The following ICA1L variants were observed in gnomAD, a reference collection of about 807,000 sequenced individuals.
ICA1L encodes islet cell autoantigen 1-like protein.
Under a neutral mutation model 61.3 loss-of-function variants are expected in ICA1L, and 50 were observed. The observed-to-expected ratio is 0.82, with a 90% CI of 0.65 to 1.03. The LOEUF (loss-of-function observed/expected upper bound fraction) is 1.03. Among genes scored for constraint, ICA1L ranks in the 50% least tolerant of loss-of-function variants. The probability of loss-of-function intolerance (pLI) is 0.00; values close to 1 mark genes in which losing one functional copy is unlikely to be tolerated. For missense variants in ICA1L, 508 were observed against 556.7 expected (o/e 0.91, Z 0.88); for synonymous variants, 161 against 191.3 (o/e 0.84, Z 1.31).
At chr2:202,841,828 C>A in intron 1 of ICA1L, 1 of 308,600 alleles carries the variant, frequency 3.2e-6, no homozygotes, top group South Asian at 3.2e-5. Flanking sequence ...GATGGAGATC[C>A]CAGAAGGAGC....
chr2:202,807,934 TA>T (rs1485914411), intron 9 of ICA1L, among the ~76,000 whole-genome samples: 7 of 152,054 alleles, frequency 4.6e-5, no homozygotes, highest in Non-Finnish European at 8.8e-5. Flanking sequence ...ATCTGATGAC[TA>T]AGAGACCCTG....
In ICA1L at chr2:202,774,322, C is replaced by T. The variant is rs1351906181; in HGVS notation, c.*5211G>A. ...CCGCGGACGGCGGCGCGCGCGTTCCCCGCAGCGCTGAGGCGAGCCTGCCGC... is the reference window on the plus strand; with the variant it reads ...CCGCGGACGGCGGCGCGCGCGTTCCTCGCAGCGCTGAGGCGAGCCTGCCGC... On this transcript the variant is annotated 3_prime_UTR_variant, in exon 13 of 13. Transcript: ENST00000358299. The T allele has an allele frequency of 1.4e-6, 2 of 1,467,240 alleles. No individual in the cohort carries two copies. The highest frequency in any genetic ancestry group is 2.6e-5 in the East Asian group (1 of 38,270). The allele number at this position is 1,467,240 out of a possible 1,614,324, so 90.9% of individuals were successfully genotyped here.
In ICA1L at chr2:202,774,291, G is replaced by C. The variant is rs1483454485; in HGVS notation, c.*5242C>G. On this transcript the variant is annotated 3_prime_UTR_variant, in exon 13 of 13. Transcript: ENST00000358299. ...GACCCCGACGCGTGCAGGCACCTAC[G>C]GGCGACCGCGGACGGCGGCGCGCGC... 6.5e-7 allele frequency: 1 copy of C among 1,527,662 alleles called. No homozygotes were observed. The highest frequency in any genetic ancestry group is 8.8e-7 in the Non-Finnish European group (1 of 1,140,556). 94.6% of individuals were successfully genotyped at this position (1,527,662 alleles called of 1,614,324 possible).
chr2:202,780,038 G>C (rs1466761760), intron 12 of ICA1L, among the ~76,000 whole-genome samples: 1 of 152,132 alleles, frequency 6.6e-6, no homozygotes, highest in Admixed American at 6.5e-5. Flanking sequence ...AAGGAATTGA[G>C]TTAAAAGTGA....
intron 1 of ICA1L, among the ~76,000 whole-genome samples, chr2:202,836,904 C>T (rs1315681215): frequency 4.6e-5 from 7 of 151,832 alleles, no homozygotes; most frequent in Non-Finnish European, 1.0e-4. Context: ...TGCAGTGGCA[C>T]GATCTTGGCT....
At chr2:202,842,662 C>A (rs893173907) in intron 1 of ICA1L, among the ~76,000 whole-genome samples, 1 of 152,150 alleles carries the variant, frequency 6.6e-6, no homozygotes, top group Admixed American at 6.5e-5. Flanking sequence ...AGACCTTTGA[C>A]CTTCTCATAC....
At chr2:202,855,586 A>G (rs1240182980) in intron 1 of ICA1L, among the ~76,000 whole-genome samples, 1 of 152,182 alleles carries the variant, frequency 6.6e-6, no homozygotes, top group African/African-American at 2.4e-5. Context: ...CTAAACCAGT[A>G]AGAAGTCAAA....
intron 1 of ICA1L, among the ~76,000 whole-genome samples, chr2:202,864,345 G>A (rs966018857): frequency 2.0e-5 from 3 of 151,796 alleles, no homozygotes; most frequent in African/African-American, 2.4e-5. Context: ...CCGGGTTCAC[G>A]CCATTCTCCT....
At chr2:202,829,595 C>A (rs1644939892) in intron 1 of ICA1L, among the ~76,000 whole-genome samples, 1 of 152,060 alleles carries the variant, frequency 6.6e-6, no homozygotes, top group South Asian at 2.1e-4. Context: ...TGCGAACTAC[C>A]ACATCTGGCC....
rs1383120677 is a variant in ICA1L at position 202,780,275 on chromosome 2, T to G, written c.1334-627A>C. 5.3e-5 allele frequency among the ~76,000 whole-genome samples: 8 copies of G among 152,068 alleles called. No homozygotes were observed. In the South Asian group the frequency reaches 1.5e-3, roughly 28 times the overall value. ...ACATTAGCACACCCAACATTGTGAT[T>G]TTGGTTTACAGTTGTTATGTCTTTT... On this transcript the variant is annotated intron_variant, in intron 12 of 12. Coordinates refer to ENST00000358299, the MANE Select transcript of ICA1L (RefSeq NM_001288622.3).
At chr2:202,790,544 A>C (rs1574328029) in intron 10 of ICA1L, among the ~76,000 whole-genome samples, 1 of 152,190 alleles carries the variant, frequency 6.6e-6, no homozygotes, top group East Asian at 1.9e-4. Flanking sequence ...TCCAGCTGTC[A>C]GTCAAGGGCT....
chr2:202,815,849 C>A (rs185865321), intron 7 of ICA1L, 62 bp downstream of exon 7: 9 of 928,960 alleles, frequency 9.7e-6, no homozygotes, highest in South Asian at 2.6e-5. Flanking sequence ...AAAAAAGTTT[C>A]AATGTTATCA....
At chr2:202,781,414 A>G (rs1389065323) in intron 12 of ICA1L, among the ~76,000 whole-genome samples, 1 of 148,230 alleles carries the variant, frequency 6.7e-6, no homozygotes, top group Non-Finnish European at 1.5e-5. Context: ...TCTCTACTTA[A>G]AAAAAAAAAA....
At chr2:202,852,081 G>C (rs150622102) in intron 1 of ICA1L, among the ~76,000 whole-genome samples, 13,555 of 152,044 alleles carry the variant, frequency 0.089, 745 homozygotes, top group Non-Finnish European at 0.12. Flanking sequence ...AGTCCTTGCC[G>C]CTGCCTATGT....
At chr2:202,786,139 T>TA (rs1423540791) in intron 11 of ICA1L, 132 bp from the exon 12 acceptor site, 1 of 521,136 alleles carries the variant, frequency 1.9e-6, no homozygotes, top group African/African-American at 1.9e-5. Flanking sequence ...AGGTATAAAA[T>TA]ACTGAAAATT....
intron 1 of ICA1L, 119 bp downstream of exon 1, chr2:202,871,500 C>A (rs1687714858): frequency 2.0e-5 from 3 of 152,070 alleles, no homozygotes; most frequent in Admixed American, 2.0e-4. Context: ...CGCGTGTGGC[C>A]GGAGCCTCCC....
chr2:202,854,781 A>G (rs753154325), intron 1 of ICA1L, among the ~76,000 whole-genome samples: 3 of 152,198 alleles, frequency 2.0e-5, no homozygotes, highest in Non-Finnish European at 4.4e-5. Context: ...TAATCCCAGC[A>G]CTTTGGGAGG....
intron 1 of ICA1L, among the ~76,000 whole-genome samples, chr2:202,847,711 T>TATATATATATATATATATATATA (rs1553537749): frequency 7.4e-5 from 4 of 54,076 alleles, no homozygotes; most frequent in South Asian, 4.4e-4. Context: ...ATATATATAG[T>TATATATATATATATATATATATA]TAAGCAGTGA....
chr2:202,794,085 T>C (rs963164360), intron 10 of ICA1L, among the ~76,000 whole-genome samples: 1 of 151,826 alleles, frequency 6.6e-6, no homozygotes, highest in African/African-American at 2.4e-5. Context: ...AAACATGATA[T>C]AGTATCAGGA....
Sources: allele counts gnomAD v4.1 joint callset (sites outside exome capture counted in the v4.1 genomes callset), GRCh38; gene constraint gnomAD v4.1.1; transcripts MANE v1.5; gene names NCBI Gene and HGNC (gene_info 2026-07-23, HGNC 2026-07-21).